The following ALG8 variants were observed in gnomAD, a reference collection of about 807,000 sequenced individuals.
ALG8 encodes dolichyl pyrophosphate Glc1Man9GlcNAc2 alpha-1,3-glucosyltransferase.
In ALG8, 48 loss-of-function variants were observed where a neutral mutation model predicts 70.2. That is an observed-to-expected ratio of 0.68 (90% CI 0.54 to 0.87). The LOEUF (loss-of-function observed/expected upper bound fraction) is 0.87, where lower values mean the gene tolerates loss of function less well. ALG8 is among the 40% of genes least tolerant of loss of function. The pLI is 0.00. For synonymous variants in ALG8, 234 were observed against 229.0 expected (o/e 1.02, Z -0.20); for missense variants, 572 against 608.7 (o/e 0.94, Z 0.64).
chr11:78,113,371 G>GTA (rs147780183), intron 7 of ALG8, among the ~76,000 whole-genome samples: 24,749 of 151,516 alleles, frequency 0.16, 2,159 homozygotes, highest in East Asian at 0.28. Flanking sequence ...ACATATACAT[G>GTA]TATATATATA....
intron 1 of ALG8, among the ~76,000 whole-genome samples, chr11:78,133,941 G>A (rs1440827518): frequency 3.3e-5 from 5 of 151,842 alleles, no homozygotes; most frequent in South Asian, 2.1e-4. Flanking sequence ...ACTATAAAAC[G>A]TGCAATACTA....
intron 3 of ALG8, among the ~76,000 whole-genome samples, chr11:78,122,866 TA>T (rs34360246): frequency 0.66 from 100,744 of 151,996 alleles, 34,231 homozygotes; most frequent in African/African-American, 0.82. Flanking sequence ...GCGCAAGGGT[TA>T]AAGACATTCC....
Position 78,109,726 on chromosome 11 carries a change from A to G in ALG8, c.899-145T>C, listed in dbSNP as rs532950586. On this transcript the variant is annotated intron_variant, in intron 8 of 12. Coordinates refer to ENST00000299626, the MANE Select transcript of ALG8 (RefSeq NM_024079.5). ...GCTAAGATTTCATGAATTTAATCCT[A>G]TACTATTCTACCCAAAATGCCTCTG... 6.0e-6 allele frequency: 5 copies of G among 831,784 alleles called. No individual in the cohort carries two copies. The East Asian group carries it at 1.3e-4, about 22-fold the overall frequency. The allele number at this position is 831,784 out of a possible 1,614,324, so 51.5% of individuals were successfully genotyped here. A position where few individuals can be genotyped will look rare whatever the true frequency, so the allele number is the denominator to read the frequency against.
chr11:78,130,363 A>AAAAAAAAAAG (rs1861257838), intron 1 of ALG8, among the ~76,000 whole-genome samples: 1 of 151,178 alleles, frequency 6.6e-6, no homozygotes. Flanking sequence ...AAAAAAAAAA[A>AAAAAAAAAAG]AAAAGGTGAG....
intron 1 of ALG8, among the ~76,000 whole-genome samples, chr11:78,134,460 T>C (rs1387608690): frequency 6.6e-6 from 1 of 152,134 alleles, no homozygotes; most frequent in Non-Finnish European, 1.5e-5. Context: ...TTGCTTAAAA[T>C]AAAACAACAA....
intron 10 of ALG8, among the ~76,000 whole-genome samples, chr11:78,106,234 G>T (rs1471933803): frequency 6.6e-6 from 1 of 151,922 alleles, no homozygotes; most frequent in Non-Finnish European, 1.5e-5. Flanking sequence ...GTCTCCTTCG[G>T]TCACCCAGAA....
In ALG8 at chr11:78,101,039, G is replaced by A. The variant is rs148820351; in HGVS notation, c.1506C>T (p.Gly502=). ...LLLTSVYCAV[G]ITYAWFKLYV... ...ACAGTTTGAACCAAGCATATGTGAT[G>A]CCTACTGCACAATACACTGAGGTTA... Residue 502 remains glycine (G), a synonymous_variant, in exon 13 of 13, where the codon GGC becomes GGT. Transcript: ENST00000299626. 342 of 1,614,076 alleles carry A rather than the reference G, an allele frequency of 2.1e-4. 1 individual carries two copies. The highest frequency in any genetic ancestry group is 3.6e-5 in the Non-Finnish European group (42 of 1,180,028).
chr11:78,136,936 T>C (rs1861582119), intron 1 of ALG8, among the ~76,000 whole-genome samples: 2 of 151,938 alleles, frequency 1.3e-5, no homozygotes, highest in Admixed American at 1.3e-4. Flanking sequence ...AGTTTCACTC[T>C]TGTTGCCCAG....
intron 8 of ALG8, 175 bp downstream of exon 8, chr11:78,112,475 T>C: frequency 2.5e-6 from 2 of 812,886 alleles, no homozygotes; most frequent in Non-Finnish European, 3.9e-6. Flanking sequence ...GTCTGTTTAC[T>C]GCACTAAAGC....
chr11:78,137,407 C>T (rs1861598549), intron 1 of ALG8: 1 of 152,158 alleles, frequency 6.6e-6, no homozygotes, highest in South Asian at 2.1e-4. Flanking sequence ...TGGAGTAGCA[C>T]TTTTAGTTTC....
chr11:78,115,717 A>C (rs1028522089), intron 5 of ALG8, among the ~76,000 whole-genome samples: 1 of 152,192 alleles, frequency 6.6e-6, no homozygotes, highest in Non-Finnish European at 1.5e-5. Flanking sequence ...TAATGTGTTC[A>C]TAAATTCACT....
At chr11:78,123,912 T>C in intron 3 of ALG8, 109 bp downstream of exon 3, 1 of 1,215,182 alleles carries the variant, frequency 8.2e-7, no homozygotes, top group Non-Finnish European at 1.2e-6. Flanking sequence ...TTTTAGCATT[T>C]GCTATCATAT....
At chr11:78,119,939 C>G (rs556315838) in intron 4 of ALG8, among the ~76,000 whole-genome samples, 1 of 151,614 alleles carries the variant, frequency 6.6e-6, no homozygotes, top group Non-Finnish European at 1.5e-5. Context: ...CCGTCTCTAC[C>G]GAAAATACAA....
intron 5 of ALG8, among the ~76,000 whole-genome samples, chr11:78,115,016 TTTTTTAAA>T (rs1860494956): frequency 6.6e-6 from 1 of 151,984 alleles, no homozygotes; most frequent in African/African-American, 2.4e-5. Flanking sequence ...CAATACCTAC[TTTTTTAAA>T]TTTTTATTTT....
intron 11 of ALG8, 80 bp from the exon 12 acceptor site, chr11:78,104,132 T>A (rs773506742): frequency 1.0e-6 from 1 of 994,760 alleles, no homozygotes; most frequent in Non-Finnish European, 1.5e-6. Flanking sequence ...ATAAGCACAC[T>A]GACACAGCTA....
chr11:78,105,536 G>A (rs1325191934), intron 10 of ALG8, among the ~76,000 whole-genome samples: 8 of 151,758 alleles, frequency 5.3e-5, no homozygotes, highest in Non-Finnish European at 1.2e-4. Context: ...TGTTTTGTTG[G>A]CTCACATCTG....
Position 78,124,103 on chromosome 11 carries a change from T to A in ALG8, c.286A>T (p.Asn96Tyr), listed in dbSNP as rs200900718. ...DQEMLNVHNLNYSSSRTLLFQ... is the reference protein window; with the variant it reads ...DQEMLNVHNLYYSSSRTLLFQ... Reference sequence around the variant, plus strand: ...AGTAAGGTCCTTGAGCTGGAGTAATTCAAATTATGGACATTCAGCATTTCT... The same window carrying A: ...AGTAAGGTCCTTGAGCTGGAGTAATACAAATTATGGACATTCAGCATTTCT... The change falls in exon 3 of 13, where the codon AAT (asparagine) becomes TAT (tyrosine). Residue 96 changes from asparagine to tyrosine, a missense_variant. By Grantham distance (143) the Asn-to-Tyr change is moderately radical (BLOSUM62 -2). Coordinates refer to ENST00000299626, the MANE Select transcript of ALG8 (RefSeq NM_024079.5). The A allele has an allele frequency of 9.3e-6, 15 of 1,614,024 alleles. No individual in the cohort carries two copies. Among genetic ancestry groups the A allele is most frequent in the Non-Finnish European group, 1.3e-5 (15 of 1,180,018 alleles).
chr11:78,101,232 G>A (rs765305331), intron 12 of ALG8, 37 bp from the exon 13 acceptor site: 2 of 1,542,184 alleles, frequency 1.3e-6, no homozygotes, highest in Admixed American at 3.5e-5. Context: ...GATTTTAGAT[G>A]AGTCATCCTG....
chr11:78,112,353 A>C, intron 8 of ALG8: 1 of 356,474 alleles, frequency 2.8e-6, no homozygotes, highest in South Asian at 2.3e-5. Context: ...GCTGCTGAAT[A>C]GTTTTTTAAT....
Sources: gnomAD v4.1 joint callset for allele counts (sites outside exome capture counted in the v4.1 genomes callset) on GRCh38, gnomAD v4.1.1 for gene constraint, MANE v1.5 for transcripts, NCBI Gene and HGNC (gene_info 2026-07-23, HGNC 2026-07-21) for gene names.